The following PPFIA2 variants were observed in gnomAD, a reference collection of about 807,000 sequenced individuals.
PPFIA2 encodes the protein liprin-alpha-2.
Under a neutral mutation model 175.5 loss-of-function variants are expected in PPFIA2, and 46 were observed. The observed-to-expected ratio is 0.26, with a 90% CI of 0.21 to 0.34. The LOEUF is 0.34. PPFIA2 is among the 10% of genes least tolerant of loss of function. The pLI is 1.00. For synonymous variants in PPFIA2, 568 were observed against 511.4 expected, an observed-to-expected ratio of 1.11 and a Z score of -1.49; for missense variants, 1,179 against 1,506.1, an observed-to-expected ratio of 0.78 and a Z score of 3.60.
At chr12:81,724,372 A>G (rs2079754882) in intron 3 of PPFIA2, among the ~76,000 whole-genome samples, 1 of 150,814 alleles carries the variant, frequency 6.6e-6, no homozygotes, top group South Asian at 2.1e-4. Context: ...CAGTTTTCTT[A>G]CATGAATACA....
intron 14 of PPFIA2, among the ~76,000 whole-genome samples, chr12:81,365,976 C>CCTTCCTTCCTT (rs2033151226): frequency 1.3e-5 from 1 of 74,708 alleles, no homozygotes; most frequent in African/African-American, 6.2e-5. Context: ...CTCCCTCCCT[C>CCTTCCTTCCTT]CCTCCCTCCC....
chr12:81,512,349 A>T (rs1355098896), intron 4 of PPFIA2: 2 of 1,288,488 alleles, frequency 1.6e-6, no homozygotes, highest in Non-Finnish European at 1.0e-6. Flanking sequence ...ATGTACCTGC[A>T]GCCAAAACAA....
chr12:81,363,640 A>G (rs1441569259), intron 14 of PPFIA2, among the ~76,000 whole-genome samples: 1 of 149,646 alleles, frequency 6.7e-6, no homozygotes, highest in African/African-American at 2.4e-5. Flanking sequence ...TTCTCACCAC[A>G]TTTTTTTTTG....
At chr12:81,366,979 A>T in intron 14 of PPFIA2, 129 bp downstream of exon 14, 1 of 1,089,660 alleles carries the variant, frequency 9.2e-7, no homozygotes, top group Non-Finnish European at 1.2e-6. Flanking sequence ...TATTCTAAAA[A>T]GTTAAAATTG....
chr12:81,342,931 C>T (rs2058390497), intron 19 of PPFIA2, among the ~76,000 whole-genome samples: 1 of 126,974 alleles, frequency 7.9e-6, no homozygotes, highest in South Asian at 2.9e-4. Context: ...TGCACATGTA[C>T]CCTAAAACTT....
At chr12:81,753,611 TA>T (rs2084194131) in intron 3 of PPFIA2, among the ~76,000 whole-genome samples, 1 of 151,390 alleles carries the variant, frequency 6.6e-6, no homozygotes, top group Admixed American at 6.6e-5. Context: ...GAAAAATACA[TA>T]TTTCCAAATG....
chr12:81,427,246 G>A (rs557207045), intron 7 of PPFIA2, among the ~76,000 whole-genome samples: 5 of 152,130 alleles, frequency 3.3e-5, no homozygotes, highest in East Asian at 1.9e-4. Context: ...TAACTACACC[G>A]AAATTGAAAG....
At chr12:81,459,820 T>G (rs1250729542) in intron 4 of PPFIA2, among the ~76,000 whole-genome samples, 1 of 152,076 alleles carries the variant, frequency 6.6e-6, no homozygotes, top group Non-Finnish European at 1.5e-5. Context: ...GGCACTACTT[T>G]CACATTTATT....
At chr12:81,374,971 T>C (rs1424765140) in intron 10 of PPFIA2, among the ~76,000 whole-genome samples, 2 of 152,134 alleles carry the variant, frequency 1.3e-5, no homozygotes, top group Admixed American at 6.6e-5. Flanking sequence ...ATTAAAACAA[T>C]GAAGAAGCTC....
intron 4 of PPFIA2, chr12:81,598,440 A>C: frequency 1.1e-6 from 1 of 926,606 alleles, no homozygotes; most frequent in Non-Finnish European, 1.3e-6. Context: ...TTAACCAATA[A>C]CATACAGTTT....
intron 27 of PPFIA2, among the ~76,000 whole-genome samples, chr12:81,278,364 A>G (rs2041118542): frequency 6.6e-6 from 1 of 151,906 alleles, no homozygotes; most frequent in Non-Finnish European, 1.5e-5. Flanking sequence ...AATATGGTGA[A>G]ACCCCGTCTC....
intron 4 of PPFIA2, among the ~76,000 whole-genome samples, chr12:81,663,003 C>T (rs1304469017): frequency 6.6e-6 from 1 of 152,104 alleles, no homozygotes; most frequent in Non-Finnish European, 1.5e-5. Context: ...AATTCAACAG[C>T]CCTTCATGCT....
At chr12:81,649,934 G>A (rs534803683) in intron 4 of PPFIA2, among the ~76,000 whole-genome samples, 2 of 152,170 alleles carry the variant, frequency 1.3e-5, no homozygotes, top group African/African-American at 4.8e-5. Context: ...CCATGGGAAT[G>A]TTCCATATAT....
At chr12:81,533,152 T>C (rs1187145831) in intron 4 of PPFIA2, among the ~76,000 whole-genome samples, 1 of 151,644 alleles carries the variant, frequency 6.6e-6, no homozygotes, top group African/African-American at 2.4e-5. Flanking sequence ...TAAAATGAAA[T>C]GTTTAACCAT....
intron 4 of PPFIA2, among the ~76,000 whole-genome samples, chr12:81,642,683 C>A (rs12829781): frequency 0.87 from 31,033 of 35,756 alleles, 14,219 homozygotes; most frequent in African/African-American, 0.94. Flanking sequence ...ATGTATGTAT[C>A]TATTATATAC....
intron 7 of PPFIA2, among the ~76,000 whole-genome samples, chr12:81,432,660 T>C (rs1352315516): frequency 6.6e-6 from 1 of 151,992 alleles, no homozygotes; most frequent in African/African-American, 2.4e-5. Context: ...GGTTTCACCA[T>C]GTAGGTCAGG....
chr12:81,476,163 G>A (rs2057452315), intron 4 of PPFIA2, among the ~76,000 whole-genome samples: 1 of 152,098 alleles, frequency 6.6e-6, no homozygotes, highest in Admixed American at 6.6e-5. Flanking sequence ...CTAGTTCCTG[G>A]AATCAGCAAA....
intron 3 of PPFIA2, among the ~76,000 whole-genome samples, chr12:81,693,925 G>A (rs2075577563): frequency 6.6e-6 from 1 of 152,094 alleles, no homozygotes; most frequent in African/African-American, 2.4e-5. Flanking sequence ...ATCTGTGGAA[G>A]TTTAAACTAA....
At chr12:81,520,087 T>C (rs1156322620) in intron 4 of PPFIA2, among the ~76,000 whole-genome samples, 1 of 152,168 alleles carries the variant, frequency 6.6e-6, no homozygotes, top group Non-Finnish European at 1.5e-5. Context: ...TGTGATAAGA[T>C]GGAATGAGGT....
Sources: gnomAD v4.1 joint callset for allele counts (sites outside exome capture counted in the v4.1 genomes callset) on GRCh38, gnomAD v4.1.1 for gene constraint, MANE v1.5 for transcripts, NCBI Gene and HGNC (gene_info 2026-07-23, HGNC 2026-07-21) for gene names.